Variants in NEGR1 observed in about 807,000 individuals in gnomAD.
NEGR1 encodes the protein IgLON family member 4.
NEGR1 carries 10 observed loss-of-function variants against 40.9 expected under a neutral mutation model. The ratio of observed to expected loss-of-function variants is 0.24; its 90% CI spans 0.15 to 0.42. The LOEUF (loss-of-function observed/expected upper bound fraction) is 0.42, where lower values mean the gene tolerates loss of function less well. Among genes scored for constraint, NEGR1 ranks in the 10% least tolerant of loss-of-function variants. The pLI, the probability that NEGR1 is intolerant of heterozygous loss-of-function variation, is 1.00. For synonymous variants in NEGR1, 185 were observed against 166.8 expected (o/e 1.11, Z -0.84); for missense variants, 352 against 438.9 (o/e 0.80, Z 1.77).
intron 6 of NEGR1, among the ~76,000 whole-genome samples, chr1:71,411,471 C>A (rs1025692496): frequency 6.6e-6 from 1 of 152,084 alleles, no homozygotes. Flanking sequence ...TCTGGGATGG[C>A]CAGACCTGTT....
intron 2 of NEGR1, among the ~76,000 whole-genome samples, chr1:71,852,642 G>C (rs889480682): frequency 6.6e-6 from 1 of 151,886 alleles, no homozygotes; most frequent in African/African-American, 2.4e-5. Flanking sequence ...AACAGAGAAC[G>C]GTTTGCACAG....
chr1:71,496,198 A>G (rs931104562), intron 6 of NEGR1, among the ~76,000 whole-genome samples: 8 of 152,150 alleles, frequency 5.3e-5, no homozygotes, highest in African/African-American at 1.9e-4. Flanking sequence ...GAGATACTCT[A>G]AATAGAGAGA....
At chr1:71,964,521 C>T (rs557903362) in intron 1 of NEGR1, among the ~76,000 whole-genome samples, 3 of 152,192 alleles carry the variant, frequency 2.0e-5, no homozygotes, top group African/African-American at 7.2e-5. Flanking sequence ...AATGAAGAGG[C>T]CTCCAGGTAA....
At chr1:71,765,046 A>T (rs1463888182) in intron 3 of NEGR1, among the ~76,000 whole-genome samples, 2 of 152,036 alleles carry the variant, frequency 1.3e-5, no homozygotes. Flanking sequence ...GGGCATGGTC[A>T]CCGGTGGTCG....
intron 6 of NEGR1, among the ~76,000 whole-genome samples, chr1:71,509,128 G>A (rs976368129): frequency 1.3e-5 from 2 of 152,170 alleles, no homozygotes; most frequent in African/African-American, 4.8e-5. Flanking sequence ...TCAAATTTTT[G>A]GTACAAGCCC....
At chr1:71,992,658 A>G (rs1350722820) in intron 1 of NEGR1, among the ~76,000 whole-genome samples, 3 of 119,812 alleles carry the variant, frequency 2.5e-5, no homozygotes, top group East Asian at 2.4e-4. Context: ...GTACAGTTCA[A>G]TTCAGAACAG....
chr1:71,821,905 G>A (rs1450033462), intron 2 of NEGR1, among the ~76,000 whole-genome samples: 1 of 151,908 alleles, frequency 6.6e-6, no homozygotes, highest in Non-Finnish European at 1.5e-5. Context: ...AGATAATTCA[G>A]AACCCCATGG....
chr1:72,219,123 T>A (rs973815367), intron 1 of NEGR1, among the ~76,000 whole-genome samples: 6 of 152,058 alleles, frequency 3.9e-5, no homozygotes, highest in African/African-American at 1.4e-4. Flanking sequence ...TACACCATGA[T>A]GGCCTTGATG....
intron 6 of NEGR1, chr1:71,472,677 T>C (rs1041591949): frequency 2.0e-5 from 3 of 152,098 alleles, no homozygotes; most frequent in Admixed American, 6.6e-5. Context: ...CACTGTATGA[T>C]AGATGGGTGG....
chr1:71,740,680 T>A (rs1389244449), intron 3 of NEGR1, among the ~76,000 whole-genome samples: 1 of 152,166 alleles, frequency 6.6e-6, no homozygotes, highest in African/African-American at 2.4e-5. Context: ...AGGGACTGTA[T>A]CATTGGTTTC....
chr1:71,866,406 A>G (rs1570446683), intron 2 of NEGR1, among the ~76,000 whole-genome samples: 1 of 152,196 alleles, frequency 6.6e-6, no homozygotes, highest in Non-Finnish European at 1.5e-5. Flanking sequence ...TAATCAAATA[A>G]TAATGAAGAC....
intron 3 of NEGR1, among the ~76,000 whole-genome samples, chr1:71,737,514 A>C (rs959798370): frequency 3.3e-5 from 5 of 152,178 alleles, no homozygotes; most frequent in African/African-American, 4.8e-5. Context: ...CAAGTTGGTC[A>C]TTTATCTTGC....
chr1:71,636,668 A>G (rs752637600), intron 4 of NEGR1, among the ~76,000 whole-genome samples: 1 of 152,094 alleles, frequency 6.6e-6, no homozygotes, highest in Non-Finnish European at 1.5e-5. Flanking sequence ...ATTTGTATTC[A>G]ATTTTAAGAA....
At chr1:71,966,446 TAG>T (rs1646210178) in intron 1 of NEGR1, among the ~76,000 whole-genome samples, 2 of 152,196 alleles carry the variant, frequency 1.3e-5, no homozygotes, top group East Asian at 1.9e-4. Flanking sequence ...CCACACCGGA[TAG>T]AGTTACTCTC....
chr1:71,423,830 CT>C (rs34929033), intron 6 of NEGR1, among the ~76,000 whole-genome samples: 11,605 of 141,266 alleles, frequency 0.082, 448 homozygotes, highest in East Asian at 0.12. Flanking sequence ...CCCACCCCCC[CT>C]TTTTTTTTTT....
intron 6 of NEGR1, among the ~76,000 whole-genome samples, chr1:71,440,933 C>A (rs1374073227): frequency 1.3e-5 from 2 of 152,078 alleles, no homozygotes; most frequent in African/African-American, 4.8e-5. Context: ...AATGATCAGA[C>A]CCATGAAAAT....
At chr1:72,114,827 G>C (rs1649521002) in intron 1 of NEGR1, among the ~76,000 whole-genome samples, 1 of 151,582 alleles carries the variant, frequency 6.6e-6, no homozygotes, top group Non-Finnish European at 1.5e-5. Flanking sequence ...CATTCCTTTG[G>C]AGCAAACTGC....
intron 3 of NEGR1, among the ~76,000 whole-genome samples, chr1:71,744,663 GTAGACAC>G (rs1202096932): frequency 6.6e-6 from 1 of 152,110 alleles, no homozygotes; most frequent in Non-Finnish European, 1.5e-5. Context: ...ATACAGGTAT[GTAGACAC>G]CATCTGAGAA....
intron 1 of NEGR1, among the ~76,000 whole-genome samples, chr1:71,950,384 A>G (rs1646059030): frequency 6.6e-6 from 1 of 152,076 alleles, no homozygotes; most frequent in Non-Finnish European, 1.5e-5. Context: ...AGAAGAAGGA[A>G]AGAAAAAAGA....
Sources: gnomAD v4.1 joint callset for allele counts (sites outside exome capture counted in the v4.1 genomes callset) on GRCh38, gnomAD v4.1.1 for gene constraint, MANE v1.5 for transcripts, NCBI Gene and HGNC (gene_info 2026-07-23, HGNC 2026-07-21) for gene names.